NXN: variants seen among roughly 807,000 people sequenced by gnomAD.
NXN encodes nucleoredoxin 1.
NXN carries 16 observed loss-of-function variants against 48.6 expected under a neutral mutation model. The ratio of observed to expected loss-of-function variants is 0.33; its 90% CI spans 0.22 to 0.50. The LOEUF is 0.50. Ranked by LOEUF, NXN falls within the 20% of genes least tolerant of loss-of-function variation. The pLI, the probability that NXN is intolerant of heterozygous loss-of-function variation, is 0.98. For missense variants in NXN, 492 were observed against 605.5 expected (o/e 0.81, Z 1.97); for synonymous variants, 281 against 269.6 (o/e 1.04, Z -0.41).
At position 825,221 on chromosome 17, in the gene NXN, G is replaced by GAA. The variant is rs34471469; in HGVS notation, c.478+738_478+739dup. Among the ~76,000 whole-genome samples the GAA allele has an allele frequency of 4.1e-5, 5 of 120,992 alleles. No individual in the cohort carries two copies. Among genetic ancestry groups the GAA allele is most frequent in the Non-Finnish European group, 5.5e-5 (3 of 54,986 alleles). The allele number at this position is 120,992 out of a possible 152,430, so 79.4% of individuals were successfully genotyped here. ...GACAGAGGGAGATAGTGTCTCAAGA[G>GAA]AAAAAAAAAAAAAAAAAAGAAAAGC... is the stretch of plus-strand genomic sequence containing the variant. On this transcript the variant is annotated intron_variant, in intron 2 of 7. Coordinates refer to ENST00000336868, the MANE Select transcript of NXN (RefSeq NM_022463.5). The surrounding 1 kb of genome is among the most constrained non-coding windows in gnomAD (Gnocchi z 4.1).
At position 824,884 on chromosome 17, in the gene NXN, G is replaced by A. The variant is rs189398793; in HGVS notation, c.478+1077C>T. ...AGGCTGGTTGAAAATGCAGGTGGTC[G>A]GGCCTCCCCGGAAACAAGAGGGATC... On this transcript the variant is annotated intron_variant, in intron 2 of 7. Coordinates refer to ENST00000336868, the MANE Select transcript of NXN (RefSeq NM_022463.5). Among the ~76,000 whole-genome samples, 161 of 152,266 alleles carry A rather than the reference G, an allele frequency of 1.1e-3. 1 individual carries two copies. The highest frequency in any genetic ancestry group is 3.7e-3 in the African/African-American group (153 of 41,556).
At chr17:974,947 C>T (rs374576316) in intron 1 of NXN, among the ~76,000 whole-genome samples, 2 of 152,040 alleles carry the variant, frequency 1.3e-5, no homozygotes, top group Non-Finnish European at 2.9e-5. Flanking sequence ...CTGCCTCAGC[C>T]TCCCGAGTAG....
chr17:976,578 T>G (rs1316282447), intron 1 of NXN, among the ~76,000 whole-genome samples: 1 of 152,160 alleles, frequency 6.6e-6, no homozygotes, highest in African/African-American at 2.4e-5. Flanking sequence ...ATAGAGTCCA[T>G]CCACAAGACG....
chr17:871,399 CTTTT>C (rs11345310), intron 1 of NXN, among the ~76,000 whole-genome samples: 9 of 101,706 alleles, frequency 8.8e-5, no homozygotes, highest in African/African-American at 1.8e-4. Flanking sequence ...TACGCATTCA[CTTTT>C]TTTTTTTTTT....
At chr17:855,803 C>T (rs980868374) in intron 1 of NXN, among the ~76,000 whole-genome samples, 80 of 152,160 alleles carry the variant, frequency 5.3e-4, no homozygotes, top group African/African-American at 1.9e-3. Context: ...CAAACTCTAT[C>T]CAGTGTGCCA....
At chr17:927,060 T>C (rs1266279295) in intron 1 of NXN, among the ~76,000 whole-genome samples, 1 of 151,828 alleles carries the variant, frequency 6.6e-6, no homozygotes, top group African/African-American at 2.4e-5. Context: ...ACGCCTGTCA[T>C]CCTAGCACTT....
At chr17:835,270 T>C (rs528594018) in intron 1 of NXN, among the ~76,000 whole-genome samples, 1 of 146,804 alleles carries the variant, frequency 6.8e-6, no homozygotes, top group East Asian at 2.0e-4. Flanking sequence ...ATCGTGCCAC[T>C]GCACTCCAGC....
In NXN at chr17:920,345, G is replaced by A. The variant is rs2068733742; in HGVS notation, c.360+58974C>T. Among the ~76,000 whole-genome samples, 1 of 152,172 alleles carries A rather than the reference G, an allele frequency of 6.6e-6. No individual in the cohort carries two copies. The highest frequency in any genetic ancestry group is 1.5e-5 in the Non-Finnish European group (1 of 68,028). ...ATTCAGCCAAGGGGGCCGATGAGGT[G>A]CCCATGTGGCTCTCCTCCCAGCCCC... On this transcript the variant is annotated intron_variant, in intron 1 of 7. Transcript: ENST00000336868. The surrounding 1 kb of genome is among the most constrained non-coding windows in gnomAD (Gnocchi z 4.6).
intron 1 of NXN, among the ~76,000 whole-genome samples, chr17:826,461 G>A (rs1364569865): frequency 6.6e-6 from 1 of 152,140 alleles, no homozygotes; most frequent in Admixed American, 6.5e-5. Context: ...ACCCTTCCAC[G>A]TCTCTAAAAA....
chr17:928,174 T>A (rs1396641170), intron 1 of NXN, among the ~76,000 whole-genome samples: 1 of 152,118 alleles, frequency 6.6e-6, no homozygotes, highest in East Asian at 1.9e-4. Context: ...ATGAGCAGTC[T>A]GCAAAGTGGG....
At chr17:845,648 C>T (rs767900135) in intron 1 of NXN, among the ~76,000 whole-genome samples, 11 of 152,244 alleles carry the variant, frequency 7.2e-5, no homozygotes, top group Non-Finnish European at 1.6e-4. Flanking sequence ...GACAGTCAGG[C>T]CAATCAGCTG....
intron 1 of NXN, among the ~76,000 whole-genome samples, chr17:847,980 G>A (rs1336842334): frequency 2.6e-5 from 4 of 151,972 alleles, no homozygotes; most frequent in Non-Finnish European, 4.4e-5. Context: ...ATCAATTCTC[G>A]TCTCTCTTTC....
At chr17:818,205 G>A (rs957511506) in intron 5 of NXN, among the ~76,000 whole-genome samples, 1 of 152,086 alleles carries the variant, frequency 6.6e-6, no homozygotes, top group African/African-American at 2.4e-5. Context: ...AGGTTGTGGT[G>A]AGCCGAGATC....
chr17:841,469 C>CCCACA (rs1914234139), intron 1 of NXN, among the ~76,000 whole-genome samples: 2 of 129,896 alleles, frequency 1.5e-5, no homozygotes, highest in African/African-American at 5.5e-5. Context: ...GCATCTCACA[C>CCCACA]GGGCGAGCAG....
intron 1 of NXN, among the ~76,000 whole-genome samples, chr17:904,285 C>CCGCACGT (rs1555620596): frequency 2.0e-5 from 3 of 148,664 alleles, no homozygotes; most frequent in Non-Finnish European, 4.4e-5. Flanking sequence ...TGCGGGCTGC[C>CCGCACGT]CGGACGTCGG....
intron 1 of NXN, among the ~76,000 whole-genome samples, chr17:828,167 G>C (rs1022134618): frequency 2.6e-5 from 4 of 151,990 alleles, no homozygotes; most frequent in African/African-American, 9.7e-5. Flanking sequence ...GCAGTGGCAC[G>C]ATCTTGGCTC....
chr17:896,061 T>C (rs2068480879), intron 1 of NXN, among the ~76,000 whole-genome samples: 1 of 151,564 alleles, frequency 6.6e-6, no homozygotes. Flanking sequence ...TTAAATAGGC[T>C]GGGCATGGTG....
intron 1 of NXN, among the ~76,000 whole-genome samples, chr17:890,935 C>T (rs999636519): frequency 6.6e-6 from 1 of 152,156 alleles, no homozygotes; most frequent in Non-Finnish European, 1.5e-5. Flanking sequence ...ACACCACCTG[C>T]TTCACGAATA....
rs1007992957 is a variant in NXN at position 917,267 on chromosome 17, G to A, written c.360+62052C>T. Among the ~76,000 whole-genome samples, 12 of 151,776 alleles carry A rather than the reference G, an allele frequency of 7.9e-5. No homozygotes were observed. The highest frequency in any genetic ancestry group is 1.3e-4 in the Admixed American group (2 of 15,220). On this transcript the variant is annotated intron_variant, in intron 1 of 7. Transcript: ENST00000336868. This position sits in a 1 kb window ranked among gnomAD's most constrained non-coding sequence, Gnocchi z 4.5. ...AGCGATTCTCCTGCCTCAGCCTCCC[G>A]AGCAGCTGGGACTACAGGCGCCCGC...
Sources: allele counts gnomAD v4.1 joint callset (sites outside exome capture counted in the v4.1 genomes callset), GRCh38; gene constraint gnomAD v4.1.1; non-coding constraint Gnocchi (gnomAD v3.1); transcripts MANE v1.5; gene names NCBI Gene and HGNC (gene_info 2026-07-23, HGNC 2026-07-21).